The following PFKFB1 variants were observed in gnomAD, a reference collection of about 807,000 sequenced individuals.
PFKFB1 encodes the protein 6-phosphofructo-2-kinase/fructose-2,6-biphosphatase 1.
Under a neutral mutation model 46.4 loss-of-function variants are expected in PFKFB1, and 34 were observed. The observed-to-expected ratio is 0.73, with a 90% CI of 0.56 to 0.98. The LOEUF is 0.98. Ranked by LOEUF, PFKFB1 falls within the 50% of genes least tolerant of loss-of-function variation. The pLI is 0.00. For missense variants in PFKFB1, 393 were observed against 376.3 expected, an observed-to-expected ratio of 1.04 and a Z score of -0.37; for synonymous variants, 119 against 133.8, an observed-to-expected ratio of 0.89 and a Z score of 0.76.
chrX:54,948,169 C>T (rs1933860593), intron 9 of PFKFB1, among the ~76,000 whole-genome samples: 1 of 111,275 alleles, frequency 9.0e-6, no homozygotes, highest in South Asian at 3.8e-4. Context: ...GTGATCCTCC[C>T]ACCTAGCCCT....
At chrX:54,955,895 G>A (rs970177548) in intron 7 of PFKFB1, among the ~76,000 whole-genome samples, 1 of 112,053 alleles carries the variant, frequency 8.9e-6, no homozygotes, top group African/African-American at 3.2e-5. Context: ...ACACCCACAG[G>A]AGGGGGGCAT....
chrX:54,934,826 C>A (rs1418104008), intron 12 of PFKFB1, 121 bp downstream of exon 12: 3 of 507,832 alleles, frequency 5.9e-6, no homozygotes, highest in Non-Finnish European at 1.1e-5. Context: ...ACTAAGGGAA[C>A]CTCCTGCAGG....
chrX:54,951,046 A>G (rs1027810111), intron 8 of PFKFB1, among the ~76,000 whole-genome samples: 14 of 113,334 alleles, frequency 1.2e-4, no homozygotes, highest in African/African-American at 4.5e-4. Flanking sequence ...GTGACTGTGC[A>G]TAGGTGTCCA....
chrX:54,980,885 G>A (rs1475470818), intron 1 of PFKFB1, among the ~76,000 whole-genome samples: 1 of 111,248 alleles, frequency 9.0e-6, no homozygotes, highest in African/African-American at 3.3e-5. Flanking sequence ...AATGAAGAAG[G>A]TATCAACAGT....
chrX:54,987,409 G>A (rs1212819860), intron 1 of PFKFB1, among the ~76,000 whole-genome samples: 1 of 111,154 alleles, frequency 9.0e-6, no homozygotes, highest in Non-Finnish European at 1.9e-5. Flanking sequence ...AAGTAGAAGA[G>A]GAAGAAGCAC....
chrX:54,956,757 A>G lies in PFKFB1; in HGVS notation c.517-483T>C, dbSNP rs1414437548. 2.7e-5 allele frequency among the ~76,000 whole-genome samples: 3 copies of G among 110,216 alleles called. No individual in the cohort carries two copies. The East Asian group carries it at 8.6e-4, about 32-fold the overall frequency. On this transcript the variant is annotated intron_variant, in intron 6 of 13. Transcript: ENST00000375006. ...CAGGTACTGGCACTATCACCTACCC[A>G]GTCATATGATCCTAAATGGAACCTG...
At chrX:54,946,015 G>GT (rs1318749628) in intron 9 of PFKFB1, among the ~76,000 whole-genome samples, 1 of 110,339 alleles carries the variant, frequency 9.1e-6, no homozygotes, top group Non-Finnish European at 1.9e-5. Context: ...GTGCTTGCGT[G>GT]TGTGTGTGTA....
At chrX:54,986,135 G>C (rs181300908) in intron 1 of PFKFB1, among the ~76,000 whole-genome samples, 43 of 111,678 alleles carry the variant, frequency 3.9e-4, no homozygotes, top group African/African-American at 1.3e-3. Context: ...ACTGCATGCT[G>C]CCTACAGAAG....
At chrX:54,956,018 T>C (rs889346774) in intron 7 of PFKFB1, 135 bp downstream of exon 7, 5 of 446,517 alleles carry the variant, frequency 1.1e-5, no homozygotes, top group Admixed American at 4.2e-5. Context: ...TGAAGAAAGA[T>C]CATCAAGTTC....
At chrX:54,961,633 C>A (rs1934317552) in intron 2 of PFKFB1, among the ~76,000 whole-genome samples, 1 of 111,805 alleles carries the variant, frequency 8.9e-6, no homozygotes, top group African/African-American at 3.3e-5. Context: ...ATGATGGGGC[C>A]TTTAAGGCAC....
chrX:54,997,097 C>T (rs1935367967), upstream of PFKFB1, among the ~76,000 whole-genome samples: 1 of 111,879 alleles, frequency 8.9e-6, no homozygotes, highest in South Asian at 3.7e-4. Context: ...AAGACACTTG[C>T]TTATTGTGTT....
chrX:54,998,518 G>T, upstream of PFKFB1: 2 of 787,519 alleles, frequency 2.5e-6, no homozygotes, highest in Non-Finnish European at 3.7e-6. Flanking sequence ...GAAGCCTGGA[G>T]GTGTTCGTTG....
In PFKFB1 at chrX:54,964,128, G is replaced by C. The variant is rs973435485; in HGVS notation, c.98-746C>G. On this transcript the variant is annotated intron_variant, in intron 1 of 13. Transcript: ENST00000375006. ...CTGGTGAAAACTCACTACAGCTGGGGGAGAAAATTGAAAAAAAAAAAAGTC... is the reference window on the plus strand; with the variant it reads ...CTGGTGAAAACTCACTACAGCTGGGCGAGAAAATTGAAAAAAAAAAAAGTC... Among the ~76,000 whole-genome samples the C allele has an allele frequency of 2.8e-5, 3 of 108,751 alleles. No individual in the cohort carries two copies. In the Admixed American group the frequency reaches 3.0e-4, roughly 11 times the overall value. The allele number at this position is 108,751 out of a possible 115,157, so 94.4% of individuals were successfully genotyped here. A position where few individuals can be genotyped will look rare whatever the true frequency, so the allele number is the denominator to read the frequency against.
At position 54,937,264 on chromosome X, in the gene PFKFB1, T is replaced by C. The variant is rs182128698; in HGVS notation, c.1228+331A>G. 4.6e-4 allele frequency among the ~76,000 whole-genome samples: 52 copies of C among 111,917 alleles called. No individual in the cohort carries two copies. The East Asian group carries it at 0.014, about 30-fold the overall frequency. ...TGAGGCAGACTGTTAACGTTGGCTTTGAAAATGTTAGCTAAGAATAATACT... is the reference window on the plus strand; with the variant it reads ...TGAGGCAGACTGTTAACGTTGGCTTCGAAAATGTTAGCTAAGAATAATACT... On this transcript the variant is annotated intron_variant, in intron 11 of 13. Coordinates refer to ENST00000375006, the MANE Select transcript of PFKFB1 (RefSeq NM_002625.4).
chrX:54,973,616 G>A (rs1182739455), intron 1 of PFKFB1, among the ~76,000 whole-genome samples: 1 of 111,420 alleles, frequency 9.0e-6, no homozygotes, highest in Non-Finnish European at 1.9e-5. Flanking sequence ...TCATTCAGGA[G>A]CAGGTTGTTC....
rs150805765 is a variant in PFKFB1 at position 54,948,037 on chromosome X, C to T, written c.993+1038G>A. Among the ~76,000 whole-genome samples the T allele has an allele frequency of 6.7e-4, 74 of 109,840 alleles. No individual in the cohort carries two copies. The East Asian group carries it at 0.019, about 29-fold the overall frequency. On this transcript the variant is annotated intron_variant, in intron 9 of 13. Transcript: ENST00000375006. ...TCCCAGGCTTAAACAATCCTCCTAT[C>T]TCAGCCTCCAGAGTAGCTGGGGTCA...
chrX:54,968,370 T>TA lies in PFKFB1; in HGVS notation c.98-4989dup, dbSNP rs758297556. Among the ~76,000 whole-genome samples, 130 of 105,482 alleles carry TA rather than the reference T, an allele frequency of 1.2e-3. 1 individual carries two copies. The highest frequency in any genetic ancestry group is 4.4e-3 in the African/African-American group (127 of 29,008). 91.6% of individuals were successfully genotyped at this position (105,482 alleles called of 115,157 possible). On this transcript the variant is annotated intron_variant, in intron 1 of 13. Transcript: ENST00000375006. The stretch of plus-strand genomic sequence containing the variant: ...TAGCAATGGGAGATATACCTAATGA[T>TA]AGATGACGAGTTAGTGGGTGCAGCA...
chrX:54,952,186 C>T (rs1296491267), intron 7 of PFKFB1, 74 bp from the exon 8 acceptor site: 8 of 776,750 alleles, frequency 1.0e-5, no homozygotes, highest in South Asian at 4.5e-5. Context: ...AGAGAAACCC[C>T]GAACCACACA....
At chrX:54,977,429 T>C (rs186909877) in intron 1 of PFKFB1, among the ~76,000 whole-genome samples, 579 of 109,087 alleles carry the variant, frequency 5.3e-3, no homozygotes, top group African/African-American at 0.013. Flanking sequence ...AACAAACAAA[T>C]AAATAAATAA....
Sources: allele counts gnomAD v4.1 joint callset (sites outside exome capture counted in the v4.1 genomes callset), GRCh38; gene constraint gnomAD v4.1.1; transcripts MANE v1.5; gene names NCBI Gene and HGNC (gene_info 2026-07-23, HGNC 2026-07-21).